ZNF396: variants seen among roughly 807,000 people sequenced by gnomAD.
The protein encoded by ZNF396 is zinc finger protein 396, also known as zinc finger and SCAN domain-containing protein 14.
In ZNF396, 14 loss-of-function variants were observed where a neutral mutation model predicts 20.5. That is an observed-to-expected ratio of 0.68 (90% confidence interval 0.45 to 1.07). The LOEUF (loss-of-function observed/expected upper bound fraction) is 1.07. ZNF396 is among the 50% of genes least tolerant of loss of function. The pLI, the probability that ZNF396 is intolerant of heterozygous loss-of-function variation, is 0.00. For synonymous variants in ZNF396, 119 were observed against 140.6 expected, an observed-to-expected ratio of 0.85 and a Z score of 1.08; for missense variants, 347 against 390.1, an observed-to-expected ratio of 0.89 and a Z score of 0.93.
At chr18:35,377,206 C>G (rs1204895260) in intron 1 of ZNF396, 72 bp downstream of exon 1, 1 of 150,648 alleles carries the variant, frequency 6.6e-6, no homozygotes, top group East Asian at 1.9e-4. Context: ...CTCTCCGCGT[C>G]CCCCTTCCAC....
At chr18:35,376,137 G>C (rs578025300) in intron 1 of ZNF396, 2 of 152,198 alleles carry the variant, frequency 1.3e-5, no homozygotes, top group African/African-American at 4.8e-5. Context: ...GTGCGCCTCC[G>C]TCTTCCATCG....
chr18:35,374,230 C>T lies in ZNF396; in HGVS notation c.63G>A (p.Gly21=). 1 of 1,614,218 alleles carries T rather than the reference C, an allele frequency of 6.2e-7. No individual in the cohort carries two copies. Among genetic ancestry groups the T allele is most frequent in the South Asian group, 1.1e-5 (1 of 91,082 alleles). Residue 21 remains glycine, a synonymous_variant, in exon 2 of 4, where the codon GGG becomes GGA. Transcript: ENST00000589332. The surrounding 1 kb of genome is among the most constrained non-coding windows in gnomAD (Gnocchi z 4.3). ...LLTQTSEECN[G]ILTEKMEEEE... ...CCTCTTCCATCTTCTCTGTCAGAAT[C>T]CCATTACACTCCTCTGAAGTTTGTG...
Position 35,368,501 on chromosome 18 carries a change from T to TATTTATTTA in ZNF396, c.*705_*713dup, listed in dbSNP as rs1195458019. On this transcript the variant is annotated 3_prime_UTR_variant, in exon 4 of 4. Transcript: ENST00000589332. Reference sequence around the variant, plus strand: ...TTTTATTTTTATTTATTTATTTATTTATTTATTTATTTATTTTAAAGACGG... The same window carrying TATTTATTTA: ...TTTTATTTTTATTTATTTATTTATTTATTTATTTAATTTATTTATTTATTTTAAAGACGG... 2.7e-6 allele frequency: 2 copies of TATTTATTTA among 747,410 alleles called. No homozygotes were observed. Among genetic ancestry groups the TATTTATTTA allele is most frequent in the Non-Finnish European group, 1.8e-6 (1 of 565,024 alleles). 46.3% of individuals were successfully genotyped at this position (747,410 alleles called of 1,614,324 possible).
chr18:35,375,767 G>T (rs957713422), intron 1 of ZNF396, among the ~76,000 whole-genome samples: 2 of 152,126 alleles, frequency 1.3e-5, no homozygotes, highest in African/African-American at 4.8e-5. Flanking sequence ...GTTTGAGACA[G>T]AGTCTGGCCC....
At chr18:35,371,155 CT>C (rs2143899516) in intron 3 of ZNF396, among the ~76,000 whole-genome samples, 1 of 152,268 alleles carries the variant, frequency 6.6e-6, no homozygotes, top group East Asian at 1.9e-4. Context: ...GATCTACCTG[CT>C]GTCTCTACAA....
chr18:35,369,124 AC>A lies in ZNF396; in HGVS notation c.*90del, dbSNP rs1321857240. On this transcript the variant is annotated 3_prime_UTR_variant, in exon 4 of 4. Transcript: ENST00000589332. ...TGAAAGGAGACTGGTGCTTACTAAG[AC>A]CACTGATTTGTACTAAGGAGCGTTT... 1.4e-5 allele frequency: 20 copies of A among 1,448,848 alleles called. No homozygotes were observed. The highest frequency in any genetic ancestry group is 1.7e-5 in the Non-Finnish European group (19 of 1,102,544). 89.7% of individuals were successfully genotyped at this position (1,448,848 alleles called of 1,614,324 possible). A position where few individuals can be genotyped will look rare whatever the true frequency, so the allele number is the denominator to read the frequency against.
At chr18:35,371,194 C>T (rs968436189) in intron 3 of ZNF396, among the ~76,000 whole-genome samples, 1 of 152,186 alleles carries the variant, frequency 6.6e-6, no homozygotes, top group African/African-American at 2.4e-5. Flanking sequence ...AACATAAGCT[C>T]AAATCTTAAC....
At position 35,368,586 on chromosome 18, in the gene ZNF396, G is replaced by A; in HGVS notation, c.*629C>T. On this transcript the variant is annotated 3_prime_UTR_variant, in exon 4 of 4. Coordinates refer to ENST00000589332, the MANE Select transcript of ZNF396 (RefSeq NM_001322286.2). ...CCTGCCTCAGCCTCCCTAGTAGCTG[G>A]GATTACAGGTACACGTTGCCATGCC... 2.2e-6 allele frequency: 1 copy of A among 457,336 alleles called. No homozygotes were observed. Among genetic ancestry groups the A allele is most frequent in the Non-Finnish European group, 3.0e-6 (1 of 335,152 alleles). The allele number at this position is 457,336 out of a possible 1,614,324, so 28.3% of individuals were successfully genotyped here.
Position 35,374,388 on chromosome 18 carries a change from G to A in ZNF396, c.-72-24C>T, listed in dbSNP as rs2045230502. 3.2e-6 allele frequency: 4 copies of A among 1,244,052 alleles called. No homozygotes were observed. The East Asian group carries it at 9.4e-5, about 29-fold the overall frequency. The allele number at this position is 1,244,052 out of a possible 1,614,324, so 77.1% of individuals were successfully genotyped here. Reference sequence around the variant, plus strand: ...TCCTTAAATATGATTAAAGAAACAAGTGGAAAGAAGACAAAAGACAAATGC... The same window carrying A: ...TCCTTAAATATGATTAAAGAAACAAATGGAAAGAAGACAAAAGACAAATGC... On this transcript the variant is annotated intron_variant, in intron 1 of 3. Coordinates refer to ENST00000589332, the MANE Select transcript of ZNF396 (RefSeq NM_001322286.2). This position sits in a 1 kb window ranked among gnomAD's most constrained non-coding sequence, Gnocchi z 4.3.
At chr18:35,373,783 G>C (rs982018332) in intron 2 of ZNF396, 93 bp downstream of exon 2, 1 of 1,518,494 alleles carries the variant, frequency 6.6e-7, no homozygotes, top group Admixed American at 2.0e-5. Flanking sequence ...CAGTTGTGCT[G>C]AGTGGGAATA....
rs56036260 is a variant in ZNF396, at chr18:35,368,482, TTTTATTTA to T, written c.*725_*732del. 4.3e-4 allele frequency: 145 copies of T among 339,164 alleles called. No homozygotes were observed. The highest frequency in any genetic ancestry group is 1.8e-3 in the South Asian group (23 of 13,060). The allele number at this position is 339,164 out of a possible 1,614,324, so 21.0% of individuals were successfully genotyped here. ...AGACAAAATAGGAATTTATTTTTAT[TTTTATTTA>T]TTTATTTATTTATTTATTTATTTAT... On this transcript the variant is annotated 3_prime_UTR_variant, in exon 4 of 4. Transcript: ENST00000589332.
chr18:35,373,363 G>C (rs753662536), intron 3 of ZNF396, 93 bp downstream of exon 3: 1 of 1,435,714 alleles, frequency 7.0e-7, no homozygotes, highest in Non-Finnish European at 9.3e-7. Context: ...GAGAGGGGGA[G>C]ATTTGAGGCC....
chr18:35,373,957 C>T lies in ZNF396; in HGVS notation c.336G>A (p.Val112=), dbSNP rs116578830. The change falls in exon 2 of 4, where the codon GTG becomes GTA. Residue 112 remains valine (V), a synonymous_variant. Transcript: ENST00000589332. ...CTCCATTCTCTGGATGATGCTTCTG[C>T]ACCCAGGCCTGAAGCTCTTTTGGGA... The part of the protein sequence containing the change: ...AILPKELQAW[V]QKHHPENGEE... 9.9e-6 allele frequency: 16 copies of T among 1,614,228 alleles called. No homozygotes were observed. In the African/African-American group the frequency reaches 1.7e-4, roughly 17 times the overall value.
intron 3 of ZNF396, among the ~76,000 whole-genome samples, chr18:35,370,792 C>T (rs558638817): frequency 2.0e-5 from 3 of 152,038 alleles, no homozygotes; most frequent in Non-Finnish European, 2.9e-5. Context: ...GGATTACAGG[C>T]GTGAGCCACC....
At chr18:35,371,567 A>G (rs531105003) in intron 3 of ZNF396, among the ~76,000 whole-genome samples, 2 of 152,258 alleles carry the variant, frequency 1.3e-5, no homozygotes, top group East Asian at 1.9e-4. Flanking sequence ...AGTGGAGGGC[A>G]TTTCATGGTG....
In ZNF396 at chr18:35,375,665, GT is replaced by G. The variant is rs869117325; in HGVS notation, c.-72-1302del. Among the ~76,000 whole-genome samples the G allele has an allele frequency of 1.2e-3, 170 of 145,298 alleles. 1 individual carries two copies. Among genetic ancestry groups the G allele is most frequent in the Non-Finnish European group, 2.1e-3 (139 of 64,828 alleles). The stretch of plus-strand genomic sequence containing the variant: ...GTATTATTAGCTCGTTAGCAACAAA[GT>G]TGGGGGGGGACGGCACTTTCCTTTG... On this transcript the variant is annotated intron_variant, in intron 1 of 3. Coordinates refer to ENST00000589332, the MANE Select transcript of ZNF396 (RefSeq NM_001322286.2).
chr18:35,370,504 A>ATTTTTTT (rs35532616), intron 3 of ZNF396, among the ~76,000 whole-genome samples: 4 of 81,760 alleles, frequency 4.9e-5, no homozygotes, highest in Non-Finnish European at 8.5e-5. Flanking sequence ...TCATGGTGGC[A>ATTTTTTT]TTTTTTTTTT....
At chr18:35,377,228 C>T (rs1291636222) in intron 1 of ZNF396, 50 bp downstream of exon 1, 2 of 152,638 alleles carry the variant, frequency 1.3e-5, no homozygotes, top group African/African-American at 2.4e-5. Flanking sequence ...ACCCGGGGAC[C>T]ACCGCCTCTG....
In ZNF396 at chr18:35,369,386, A is replaced by C. The variant is rs773518822; in HGVS notation, c.837T>G (p.Tyr279Ter). Residue 279 changes from tyrosine (Y) to a stop codon, truncating the protein, a stop_gained, in exon 4 of 4, where the codon TAT (tyrosine) becomes TAG (stop). Transcript: ENST00000589332. LOFTEE classifies it low-confidence loss of function (END_TRUNC). Reference sequence around the variant, plus strand: ...ATGCCTTTGCACACTCGTCACATGCATAAGGTTTCTTTCCACTGTGGATTC... The same window carrying C: ...ATGCCTTTGCACACTCGTCACATGCCTAAGGTTTCTTTCCACTGTGGATTC... ...HQRIHSGKKPYACDECAKAFS... is the reference protein window; with the variant it reads ...HQRIHSGKKP 1.2e-6 allele frequency: 2 copies of C among 1,614,246 alleles called. No homozygotes were observed. The highest frequency in any genetic ancestry group is 1.3e-5 in the African/African-American group (1 of 75,066).
Sources: gnomAD v4.1 joint callset for allele counts (sites outside exome capture counted in the v4.1 genomes callset) on GRCh38, gnomAD v4.1.1 for gene constraint, Gnocchi (gnomAD v3.1) non-coding constraint, MANE v1.5 for transcripts, NCBI Gene and HGNC (gene_info 2026-07-23, HGNC 2026-07-21) for gene names.